SGCZ: variants seen among roughly 807,000 people sequenced by gnomAD.
The protein encoded by SGCZ is sarcoglycan zeta, also known as zeta-sarcoglycan.
SGCZ carries 40 observed loss-of-function variants against 41.3 expected under a neutral mutation model. The observed-to-expected ratio is 0.97, with a 90% CI of 0.75 to 1.26. The LOEUF (loss-of-function observed/expected upper bound fraction) is 1.26, where lower values mean the gene tolerates loss of function less well. Among genes scored for constraint, SGCZ ranks in the 50% most tolerant of loss-of-function variants. SGCZ has a pLI of 0.00. For missense variants in SGCZ, 552 were observed against 369.8 expected, an observed-to-expected ratio of 1.49 and a Z score of -4.04; for synonymous variants, 206 against 137.5, an observed-to-expected ratio of 1.50 and a Z score of -3.49.
chr8:14,818,157 G>A (rs966645479), intron 1 of SGCZ, among the ~76,000 whole-genome samples: 4 of 152,106 alleles, frequency 2.6e-5, no homozygotes, highest in Admixed American at 1.3e-4. Context: ...TCTCCCAGCT[G>A]GTCACACTCA....
At chr8:15,032,884 C>A (rs887076052) in intron 1 of SGCZ, among the ~76,000 whole-genome samples, 1 of 152,090 alleles carries the variant, frequency 6.6e-6, no homozygotes, top group Non-Finnish European at 1.5e-5. Flanking sequence ...CCAAGCTGTC[C>A]CCTGTGGCCC....
intron 5 of SGCZ, among the ~76,000 whole-genome samples, chr8:14,152,154 G>A (rs1052330884): frequency 6.7e-6 from 1 of 149,396 alleles, no homozygotes; most frequent in African/African-American, 2.4e-5. Context: ...TATGAGAGTA[G>A]GATAAAATAT....
intron 1 of SGCZ, among the ~76,000 whole-genome samples, chr8:14,645,902 CATG>C (rs1344833113): frequency 2.7e-5 from 4 of 150,252 alleles, no homozygotes; most frequent in African/African-American, 7.3e-5. Context: ...TAATGTACCT[CATG>C]ATATTTTAAT....
chr8:14,813,293 A>G (rs1357213768), intron 1 of SGCZ, among the ~76,000 whole-genome samples: 1 of 152,170 alleles, frequency 6.6e-6, no homozygotes, highest in African/African-American at 2.4e-5. Context: ...ATGAAATTTC[A>G]TTTTTTAATA....
At chr8:14,487,528 A>G (rs1801708789) in intron 2 of SGCZ, among the ~76,000 whole-genome samples, 1 of 150,550 alleles carries the variant, frequency 6.6e-6, no homozygotes, top group African/African-American at 2.4e-5. Context: ...TTGAGTCTTG[A>G]AATGCTTTTG....
intron 1 of SGCZ, among the ~76,000 whole-genome samples, chr8:15,171,010 G>T (rs148293475): frequency 2.0e-5 from 3 of 152,222 alleles, no homozygotes; most frequent in African/African-American, 7.2e-5. Flanking sequence ...ATAATATTTA[G>T]ACTAACAAAC....
chr8:14,937,931 G>C (rs1047013663), intron 1 of SGCZ, among the ~76,000 whole-genome samples: 2 of 152,046 alleles, frequency 1.3e-5, no homozygotes, highest in South Asian at 4.1e-4. Flanking sequence ...ATATAATCTA[G>C]GGTAAGGTCA....
At chr8:15,026,216 G>T (rs1803452758) in intron 1 of SGCZ, among the ~76,000 whole-genome samples, 1 of 151,780 alleles carries the variant, frequency 6.6e-6, no homozygotes, top group Non-Finnish European at 1.5e-5. Flanking sequence ...AAAATTCTCA[G>T]ACTGGTTAAT....
Position 14,385,036 on chromosome 8 carries a change from T to C in SGCZ, c.235-60832A>G, listed in dbSNP as rs542204884. On this transcript the variant is annotated intron_variant, in intron 2 of 7. Coordinates refer to ENST00000382080, the MANE Select transcript of SGCZ (RefSeq NM_139167.4). ...GAACTAATATATCCCATAGTTTTCA[T>C]GATGAAGAAGCTATGTAGAGTTGAG... is the stretch of plus-strand genomic sequence containing the variant. 1.4e-4 allele frequency among the ~76,000 whole-genome samples: 21 copies of C among 152,326 alleles called. No individual in the cohort carries two copies. The South Asian group carries it at 3.9e-3, about 29-fold the overall frequency.
intron 2 of SGCZ, among the ~76,000 whole-genome samples, chr8:14,426,081 G>A (rs1010314534): frequency 3.3e-5 from 5 of 151,958 alleles, no homozygotes; most frequent in Non-Finnish European, 7.4e-5. Context: ...CACATTATTT[G>A]TTCCTTCAAC....
At chr8:14,545,074 A>T (rs996328581) in intron 2 of SGCZ, among the ~76,000 whole-genome samples, 1 of 151,900 alleles carries the variant, frequency 6.6e-6, no homozygotes, top group Admixed American at 6.6e-5. Context: ...CAGCTGTAAA[A>T]TTCCTCTCTT....
intron 4 of SGCZ, among the ~76,000 whole-genome samples, chr8:14,205,355 C>A (rs1805585050): frequency 6.6e-6 from 1 of 152,104 alleles, no homozygotes; most frequent in African/African-American, 2.4e-5. Context: ...TGTACCTGGA[C>A]CATTTTCCAA....
intron 5 of SGCZ, among the ~76,000 whole-genome samples, chr8:14,124,439 T>C (rs2117042638): frequency 6.6e-6 from 1 of 152,300 alleles, no homozygotes; most frequent in Admixed American, 6.5e-5. Flanking sequence ...TTTTATATAC[T>C]CCAGCAAGTT....
chr8:15,228,499 A>T (rs193127945), intron 1 of SGCZ, among the ~76,000 whole-genome samples: 1 of 152,220 alleles, frequency 6.6e-6, no homozygotes, highest in Non-Finnish European at 1.5e-5. Context: ...TGATGAAAAC[A>T]TTGATTTTTA....
intron 1 of SGCZ, among the ~76,000 whole-genome samples, chr8:15,215,238 A>ATATGAATATTTCACTT (rs539017223): frequency 2.0e-5 from 3 of 152,210 alleles, no homozygotes; most frequent in Admixed American, 2.0e-4. Context: ...CAAGATATTA[A>ATATGAATATTTCACTT]TATGAATATT....
intron 3 of SGCZ, among the ~76,000 whole-genome samples, chr8:14,276,473 C>G (rs78512977): frequency 6.6e-6 from 1 of 152,106 alleles, no homozygotes; most frequent in Non-Finnish European, 1.5e-5. Context: ...GTAAGTGGCT[C>G]TTGATATATT....
chr8:14,309,681 A>T, intron 3 of SGCZ: 1 of 1,610,118 alleles, frequency 6.2e-7, no homozygotes. Context: ...TTAAGAAGAC[A>T]CCTTCTGAGT....
intron 1 of SGCZ, among the ~76,000 whole-genome samples, chr8:14,835,667 T>G (rs1802674157): frequency 1.3e-5 from 2 of 152,302 alleles, no homozygotes; most frequent in Non-Finnish European, 2.9e-5. Context: ...TTATCATTAC[T>G]TATGTTTGCT....
At chr8:14,890,955 T>G (rs925577420) in intron 1 of SGCZ, among the ~76,000 whole-genome samples, 1 of 152,228 alleles carries the variant, frequency 6.6e-6, no homozygotes, top group Admixed American at 6.5e-5. Flanking sequence ...CTTCTGTTTA[T>G]AGCATGGTTT....
Sources: gnomAD v4.1 joint callset for allele counts (sites outside exome capture counted in the v4.1 genomes callset) on GRCh38, gnomAD v4.1.1 for gene constraint, MANE v1.5 for transcripts, NCBI Gene and HGNC (gene_info 2026-07-23, HGNC 2026-07-21) for gene names.